The following FNIP1 variants were observed in gnomAD, a reference collection of about 807,000 sequenced individuals.
FNIP1 encodes folliculin interacting protein 1, also known as folliculin-interacting protein 1.
FNIP1 carries 40 observed loss-of-function variants against 124.5 expected under a neutral mutation model. That is an observed-to-expected ratio of 0.32 (90% CI 0.25 to 0.42). FNIP1 has a LOEUF of 0.42. Ranked by LOEUF, FNIP1 falls within the 10% of genes least tolerant of loss-of-function variation. The pLI, the probability that FNIP1 is intolerant of heterozygous loss-of-function variation, is 1.00. For missense variants in FNIP1, 1,176 were observed against 1,403.7 expected, an observed-to-expected ratio of 0.84 and a Z score of 2.59; for synonymous variants, 472 against 470.6, an observed-to-expected ratio of 1.00 and a Z score of -0.04.
rs1481525721 is a variant in FNIP1 at position 131,726,009 on chromosome 5, T to C, written c.354+4895A>G. Among the ~76,000 whole-genome samples the C allele has an allele frequency of 2.0e-5, 3 of 152,330 alleles. No homozygotes were observed. In the East Asian group the frequency reaches 5.8e-4, roughly 29 times the overall value. On this transcript the variant is annotated intron_variant, in intron 3 of 17. Coordinates refer to ENST00000510461, the MANE Select transcript of FNIP1 (RefSeq NM_133372.3). ...GATGGATTACATTTATTGATTTGCA[T>C]ATGTTGAACCAGCCTTGCATCCCAG... is the stretch of plus-strand genomic sequence containing the variant.
chr5:131,784,645 AC>A (rs370449198), intron 1 of FNIP1, among the ~76,000 whole-genome samples: 3 of 150,888 alleles, frequency 2.0e-5, no homozygotes, highest in Non-Finnish European at 4.4e-5. Context: ...ACAAAGTAAG[AC>A]CCCCCCATCT....
intron 9 of FNIP1, among the ~76,000 whole-genome samples, chr5:131,705,281 C>A (rs928709226): frequency 6.7e-6 from 1 of 149,536 alleles, no homozygotes. Flanking sequence ...CTAACCTGGG[C>A]AACATGGCGA....
intron 1 of FNIP1, among the ~76,000 whole-genome samples, chr5:131,755,861 T>G (rs554435295): frequency 2.2e-4 from 34 of 151,982 alleles, no homozygotes; most frequent in African/African-American, 8.2e-4. Context: ...ATATAAAAAT[T>G]AGTTGGGCAT....
At chr5:131,774,361 C>T (rs1253790520) in intron 1 of FNIP1, among the ~76,000 whole-genome samples, 1 of 152,130 alleles carries the variant, frequency 6.6e-6, no homozygotes, top group Non-Finnish European at 1.5e-5. Context: ...CCAAAATAGT[C>T]TTTATTTTCC....
chr5:131,796,614 A>G, intron 1 of FNIP1: 1 of 559,034 alleles, frequency 1.8e-6, no homozygotes, highest in Non-Finnish European at 3.2e-6. Flanking sequence ...AGGAGGGGGA[A>G]GGGGCAACGG....
At chr5:131,650,531 T>C (rs983696325) in intron 16 of FNIP1, among the ~76,000 whole-genome samples, 2 of 152,366 alleles carry the variant, frequency 1.3e-5, no homozygotes, top group Non-Finnish European at 2.9e-5. Flanking sequence ...ATCTTTATGT[T>C]TTCTATGTAC....
At chr5:131,731,617 G>A (rs964420188) in intron 2 of FNIP1, among the ~76,000 whole-genome samples, 2 of 151,766 alleles carry the variant, frequency 1.3e-5, no homozygotes, top group Non-Finnish European at 2.9e-5. Context: ...ACTCCAGCCT[G>A]GGTGACAGAG....
intron 2 of FNIP1, 80 bp downstream of exon 2, chr5:131,744,484 C>A: frequency 1.5e-6 from 2 of 1,370,370 alleles, no homozygotes; most frequent in Non-Finnish European, 2.0e-6. Context: ...CTCCCTCAGC[C>A]CCAATTATCC....
At chr5:131,655,752 C>A (rs370765785) in intron 15 of FNIP1, among the ~76,000 whole-genome samples, 83 of 139,712 alleles carry the variant, frequency 5.9e-4, no homozygotes, top group African/African-American at 5.1e-4. Flanking sequence ...ACTAAAAATA[C>A]AAAAAAAAAA....
intron 1 of FNIP1, among the ~76,000 whole-genome samples, chr5:131,773,788 G>C (rs1214027956): frequency 6.6e-6 from 1 of 152,030 alleles, no homozygotes; most frequent in Non-Finnish European, 1.5e-5. Context: ...CATTTTAAGT[G>C]TTTCTAAACA....
At chr5:131,669,044 A>G (rs1767679387) in intron 15 of FNIP1, among the ~76,000 whole-genome samples, 1 of 152,236 alleles carries the variant, frequency 6.6e-6, no homozygotes, top group South Asian at 2.1e-4. Flanking sequence ...GCAACCTTAT[A>G]AAAACTAAAA....
chr5:131,671,048 A>G (rs989967916), intron 14 of FNIP1, among the ~76,000 whole-genome samples: 2 of 152,246 alleles, frequency 1.3e-5, no homozygotes, highest in Non-Finnish European at 2.9e-5. Flanking sequence ...ATGCCTCACA[A>G]GTCCAAAGCT....
chr5:131,650,182 A>T (rs1276601742), intron 16 of FNIP1, among the ~76,000 whole-genome samples: 1 of 152,184 alleles, frequency 6.6e-6, no homozygotes, highest in Non-Finnish European at 1.5e-5. Flanking sequence ...GATAGGGATT[A>T]CATTCAATCT....
At chr5:131,699,429 T>C (rs1768816436) in intron 10 of FNIP1, among the ~76,000 whole-genome samples, 1 of 149,458 alleles carries the variant, frequency 6.7e-6, no homozygotes. Context: ...AGTCTCACTC[T>C]GTCACCTAGG....
At chr5:131,691,350 A>C (rs1216040476) in intron 11 of FNIP1, among the ~76,000 whole-genome samples, 1 of 152,184 alleles carries the variant, frequency 6.6e-6, no homozygotes, top group Admixed American at 6.5e-5. Flanking sequence ...GGAGTGCTTA[A>C]AGGGAAATTA....
intron 6 of FNIP1, among the ~76,000 whole-genome samples, chr5:131,716,333 T>C (rs974652271): frequency 2.0e-5 from 3 of 152,190 alleles, no homozygotes; most frequent in Non-Finnish European, 4.4e-5. Flanking sequence ...ATTAGATATA[T>C]CTACAGCAGT....
chr5:131,718,052 C>T (rs1013552071), intron 5 of FNIP1, among the ~76,000 whole-genome samples: 37 of 150,918 alleles, frequency 2.5e-4, no homozygotes, highest in East Asian at 3.9e-4. Flanking sequence ...GTCAGCCGGG[C>T]GTGGTGGCCT....
At chr5:131,646,907 C>T (rs1213990614) in intron 17 of FNIP1, among the ~76,000 whole-genome samples, 183 bp downstream of exon 17, 3 of 152,144 alleles carry the variant, frequency 2.0e-5, no homozygotes, top group East Asian at 3.9e-4. Context: ...AGGGATAATG[C>T]CTTTCAGATT....
chr5:131,763,147 T>A (rs952167281), intron 1 of FNIP1, among the ~76,000 whole-genome samples: 23 of 152,206 alleles, frequency 1.5e-4, no homozygotes, highest in African/African-American at 5.3e-4. Context: ...TTGTACATTT[T>A]AAAATAACTA....
Sources: gnomAD v4.1 joint callset for allele counts (sites outside exome capture counted in the v4.1 genomes callset) on GRCh38, gnomAD v4.1.1 for gene constraint, MANE v1.5 for transcripts, NCBI Gene and HGNC (gene_info 2026-07-23, HGNC 2026-07-21) for gene names.